ST3GAL5: variants seen among roughly 807,000 people sequenced by gnomAD.
ST3GAL5 encodes the protein lactosylceramide alpha-2,3-sialyltransferase.
A neutral mutation model predicts 46.1 loss-of-function variants in ST3GAL5; 25 were observed. The observed-to-expected ratio is 0.54, with a 90% confidence interval of 0.40 to 0.76. The LOEUF (loss-of-function observed/expected upper bound fraction) is 0.76, where lower values mean the gene tolerates loss of function less well. Among genes scored for constraint, ST3GAL5 ranks in the 30% least tolerant of loss-of-function variants. The pLI, the probability that ST3GAL5 is intolerant of heterozygous loss-of-function variation, is 0.00. For synonymous variants in ST3GAL5, 182 were observed against 192.7 expected, an observed-to-expected ratio of 0.94 and a Z score of 0.46; for missense variants, 431 against 521.2, an observed-to-expected ratio of 0.83 and a Z score of 1.69.
At chr2:85,856,051 C>G (rs1684070905) in intron 3 of ST3GAL5, 1 of 152,096 alleles carries the variant, frequency 6.6e-6, no homozygotes, top group African/African-American at 2.4e-5. Flanking sequence ...CCTCAAAAAG[C>G]AAAACATAGT....
At chr2:85,840,539 C>CT (rs1411041356) in intron 6 of ST3GAL5, 147 bp from the exon 7 acceptor site, 1 of 830,970 alleles carries the variant, frequency 1.2e-6, no homozygotes, top group Non-Finnish European at 2.0e-6. Context: ...ACATCATGAA[C>CT]TTTAGAGTCC....
chr2:85,857,308 G>A (rs910708106), intron 3 of ST3GAL5, among the ~76,000 whole-genome samples: 34 of 151,742 alleles, frequency 2.2e-4, no homozygotes, highest in African/African-American at 4.4e-4. Flanking sequence ...AGGTTGAGGC[G>A]GGTGGATCAC....
At chr2:85,867,909 G>T in intron 1 of ST3GAL5, 2 of 522,716 alleles carry the variant, frequency 3.8e-6, no homozygotes, top group East Asian at 4.0e-5. Context: ...ATCCAAGATG[G>T]CATTGCTTTA....
At chr2:85,844,039 A>T (rs1682463019) in intron 6 of ST3GAL5, among the ~76,000 whole-genome samples, 1 of 152,240 alleles carries the variant, frequency 6.6e-6, no homozygotes, top group East Asian at 1.9e-4. Context: ...AAAATTTTTT[A>T]AATTTTTAAA....
chr2:85,881,374 C>T (rs957277417), intron 1 of ST3GAL5, among the ~76,000 whole-genome samples: 1 of 152,168 alleles, frequency 6.6e-6, no homozygotes, highest in East Asian at 1.9e-4. Context: ...AACTTTAAAA[C>T]TGTGTAACAG....
At position 85,848,023 on chromosome 2, in the gene ST3GAL5, A is replaced by G. The variant is rs1397082057; in HGVS notation, c.500T>C (p.Phe167Ser). 6.2e-7 allele frequency: 1 copy of G among 1,614,068 alleles called. No individual in the cohort carries two copies. The highest frequency in any genetic ancestry group is 8.5e-7 in the Non-Finnish European group (1 of 1,180,016). The change falls in exon 4 of 7, where the codon TTC (phenylalanine) becomes TCC (serine). Residue 167 changes from phenylalanine (F) to serine (S), a missense_variant. Transcript: ENST00000638572. Reference sequence around the variant, plus strand: ...CAAGAGGGTCTGGACTTTACTGGAGAACTTCCGGAACCCAAAAGGAGGATC... The same window carrying G: ...CAAGAGGGTCTGGACTTTACTGGAGGACTTCCGGAACCCAAAAGGAGGATC... Reference protein sequence around the residue: ...KYDPPFGFRKFSSKVQTLLEL... With the variant: ...KYDPPFGFRKSSSKVQTLLEL...
intron 1 of ST3GAL5, among the ~76,000 whole-genome samples, chr2:85,884,102 A>G (rs1473175493): frequency 2.6e-5 from 4 of 152,192 alleles, no homozygotes; most frequent in Admixed American, 1.3e-4. Context: ...TCTGCCCCCT[A>G]TGGCTTCTTA....
rs777207755 is a variant in ST3GAL5, at chr2:85,839,732, G to A, written c.*412C>T. The A allele has an allele frequency of 6.3e-5, 20 of 320,000 alleles. No individual in the cohort carries two copies. Among genetic ancestry groups the A allele is most frequent in the Non-Finnish European group, 9.1e-5 (15 of 165,350 alleles). The allele number at this position is 320,000 out of a possible 1,614,324, so 19.8% of individuals were successfully genotyped here. On this transcript the variant is annotated 3_prime_UTR_variant, in exon 7 of 7. Transcript: ENST00000638572. Reference sequence around the variant, plus strand: ...TCCTCCGTGGGTCACACCAAGCAGCGCAGCAGGGAACCAGAATGAGGTTCA... The same window carrying A: ...TCCTCCGTGGGTCACACCAAGCAGCACAGCAGGGAACCAGAATGAGGTTCA...
rs115776102 is a variant in ST3GAL5, at chr2:85,853,504, C to T, written c.319-5300G>A. ...GAGACCTTCTTCTGCCCATATACAT[C>T]CACGATAATTCAAATTTGTCCACGT... On this transcript the variant is annotated intron_variant, in intron 3 of 6. Transcript: ENST00000638572. The T allele has an allele frequency of 3.2e-3, 546 of 170,876 alleles. 4 individuals carry two copies. The highest frequency in any genetic ancestry group is 0.013 in the African/African-American group (524 of 41,910). 10.6% of individuals were successfully genotyped at this position (170,876 alleles called of 1,614,324 possible). A position where few individuals can be genotyped will look rare whatever the true frequency, so the allele number is the denominator to read the frequency against.
At chr2:85,841,335 G>GT (rs535707010) in intron 6 of ST3GAL5, among the ~76,000 whole-genome samples, 14,726 of 146,420 alleles carry the variant, frequency 0.1, 957 homozygotes, top group African/African-American at 0.19. Context: ...AGTAAATTTT[G>GT]TTTTTTTTTT....
At chr2:85,858,671 C>G (rs1034600229) in intron 3 of ST3GAL5, among the ~76,000 whole-genome samples, 7 of 152,206 alleles carry the variant, frequency 4.6e-5, no homozygotes, top group South Asian at 4.1e-4. Context: ...TTTATCCCAT[C>G]TTTGGATGCC....
chr2:85,888,771 A>AGCCCCCAGCCCGCGG (rs1688059132), intron 1 of ST3GAL5, 53 bp downstream of exon 1: 1 of 1,153,912 alleles, frequency 8.7e-7, no homozygotes, highest in Non-Finnish European at 1.1e-6. Flanking sequence ...TCGCCGCCGC[A>AGCCCCCAGCCCGCGG]GCCCCCAGCC....
chr2:85,855,034 C>G (rs779222622), intron 3 of ST3GAL5: 1 of 152,314 alleles, frequency 6.6e-6, no homozygotes, highest in African/African-American at 2.4e-5. Context: ...GGTCCTGGGA[C>G]AACTGGAGAA....
chr2:85,862,088 C>G (rs1684795615), intron 2 of ST3GAL5, among the ~76,000 whole-genome samples: 1 of 151,678 alleles, frequency 6.6e-6, no homozygotes, highest in South Asian at 2.1e-4. Context: ...ATAATAGATG[C>G]AAAATATTTC....
At chr2:85,859,792 A>C (rs1241340922) in intron 3 of ST3GAL5, among the ~76,000 whole-genome samples, 1 of 152,248 alleles carries the variant, frequency 6.6e-6, no homozygotes, top group Non-Finnish European at 1.5e-5. Context: ...TCTCTTACTC[A>C]ACTTCTACAT....
Position 85,846,366 on chromosome 2 carries a change from T to C in ST3GAL5, c.849+11A>G. The C allele has an allele frequency of 6.2e-7, 1 of 1,612,988 alleles. No homozygotes were observed. The highest frequency in any genetic ancestry group is 8.5e-7 in the Non-Finnish European group (1 of 1,179,292). ...TACTAAGGCAGATTTAATAGAAGTA[T>C]TAGTGCTTACCAGGGTTTCCTTTTT... is the stretch of plus-strand genomic sequence containing the variant. On this transcript the variant is annotated intron_variant, in intron 5 of 6. Coordinates refer to ENST00000638572, the MANE Select transcript of ST3GAL5 (RefSeq NM_003896.4).
chr2:85,882,070 T>G (rs1404022823), intron 1 of ST3GAL5, among the ~76,000 whole-genome samples: 1 of 152,226 alleles, frequency 6.6e-6, no homozygotes, highest in Non-Finnish European at 1.5e-5. Flanking sequence ...AATGTACAGC[T>G]TGGGCTGTGG....
intron 5 of ST3GAL5, chr2:85,845,783 G>A (rs574657042): frequency 2.0e-5 from 3 of 153,224 alleles, no homozygotes; most frequent in Admixed American, 6.5e-5. Context: ...AGGAAGTGCC[G>A]GTGCTGAGAC....
intron 1 of ST3GAL5, among the ~76,000 whole-genome samples, chr2:85,879,834 AGAATGGG>A (rs1362623522): frequency 1.3e-5 from 2 of 152,262 alleles, no homozygotes; most frequent in African/African-American, 4.8e-5. Context: ...AAACTTGAGC[AGAATGGG>A]GAACACAGGG....
Sources: allele counts gnomAD v4.1 joint callset (sites outside exome capture counted in the v4.1 genomes callset), GRCh38; gene constraint gnomAD v4.1.1; transcripts MANE v1.5; gene names NCBI Gene and HGNC (gene_info 2026-07-23, HGNC 2026-07-21).